HDAC8: variants seen among roughly 807,000 people sequenced by gnomAD.
HDAC8 encodes the protein histone deacetylase 8, also known as histone deacetylase-like 1.
In HDAC8, 1 loss-of-function variant was observed where a neutral mutation model predicts 32.2. That is an observed-to-expected ratio of 0.03 (90% CI 0.01 to 0.15). The LOEUF (loss-of-function observed/expected upper bound fraction) is 0.15. HDAC8 is among the 10% of genes least tolerant of loss of function. The pLI is 1.00. For synonymous variants in HDAC8, 108 were observed against 113.9 expected (o/e 0.95, Z 0.33); for missense variants, 117 against 300.0 (o/e 0.39, Z 4.51).
chrX:72,472,363 G>A (rs192124219), intron 7 of HDAC8, among the ~76,000 whole-genome samples: 1 of 111,981 alleles, frequency 8.9e-6, no homozygotes, highest in East Asian at 2.8e-4. Context: ...CACCGCGCCC[G>A]GCCCAACTTT....
At chrX:72,564,900 A>AT (rs1376179368) in intron 4 of HDAC8, among the ~76,000 whole-genome samples, 2 of 112,009 alleles carry the variant, frequency 1.8e-5, no homozygotes, top group Admixed American at 1.9e-4. Flanking sequence ...TTCAAATGCA[A>AT]TTATTTGCTG....
At chrX:72,518,727 A>G (rs1416956224) in intron 4 of HDAC8, among the ~76,000 whole-genome samples, 12 of 111,600 alleles carry the variant, frequency 1.1e-4, no homozygotes, top group African/African-American at 3.9e-4. Flanking sequence ...TGCTTTAGCT[A>G]TTCATCCCTC....
intron 9 of HDAC8, among the ~76,000 whole-genome samples, chrX:72,386,826 A>T (rs782592146): frequency 8.9e-6 from 1 of 111,916 alleles, no homozygotes; most frequent in South Asian, 3.8e-4. Flanking sequence ...TCTTCAGAAC[A>T]TTCTCAAAAT....
chrX:72,568,703 T>TA (rs782239840), intron 3 of HDAC8, 51 bp downstream of exon 3: 14 of 1,165,650 alleles, frequency 1.2e-5, no homozygotes, highest in South Asian at 7.4e-5. Context: ...ATACAAGTTA[T>TA]AAAAAAAATT....
intron 9 of HDAC8, among the ~76,000 whole-genome samples, chrX:72,353,894 C>T (rs955863927): frequency 2.3e-4 from 26 of 112,034 alleles, no homozygotes; most frequent in African/African-American, 7.5e-4. Context: ...CCTCCAGGTG[C>T]GAAGATGACA....
intron 10 of HDAC8, among the ~76,000 whole-genome samples, chrX:72,337,952 C>G (rs1183648831): frequency 9.0e-6 from 1 of 111,714 alleles, no homozygotes; most frequent in Admixed American, 9.5e-5. Flanking sequence ...TGGCTATCCC[C>G]ATTTCCAACT....
chrX:72,499,257 A>G (rs2049130827), intron 4 of HDAC8, among the ~76,000 whole-genome samples: 1 of 111,904 alleles, frequency 8.9e-6, no homozygotes, highest in African/African-American at 3.3e-5. Context: ...GCTAATCATT[A>G]TGTATATAGA....
chrX:72,517,218 TA>T (rs1219764469), intron 4 of HDAC8, among the ~76,000 whole-genome samples: 1 of 112,355 alleles, frequency 8.9e-6, no homozygotes, highest in African/African-American at 3.2e-5. Flanking sequence ...TGGCCATTTA[TA>T]TTTTTTTTTG....
intron 9 of HDAC8, among the ~76,000 whole-genome samples, chrX:72,387,790 G>C (rs1487142481): frequency 8.9e-6 from 1 of 111,803 alleles, no homozygotes; most frequent in Non-Finnish European, 1.9e-5. Context: ...GTAGGAATTA[G>C]GGATGCAGGG....
intron 7 of HDAC8, among the ~76,000 whole-genome samples, chrX:72,480,828 T>C (rs2048472964): frequency 9.0e-6 from 1 of 110,787 alleles, no homozygotes; most frequent in South Asian, 3.9e-4. Context: ...CTGCATGTTC[T>C]TCCTCATAAG....
chrX:72,377,244 T>G (rs2045109402), intron 9 of HDAC8: 1 of 112,426 alleles, frequency 8.9e-6, no homozygotes, highest in African/African-American at 3.2e-5. Context: ...TACCCAAATC[T>G]CCTTCTTTTA....
intron 9 of HDAC8, among the ~76,000 whole-genome samples, chrX:72,373,925 A>G (rs1200699098): frequency 1.8e-5 from 2 of 111,853 alleles, no homozygotes; most frequent in Non-Finnish European, 3.8e-5. Context: ...GTGGTTTGGG[A>G]TTTGCATTTC....
chrX:72,413,923 A>G (rs1254558476), intron 9 of HDAC8, among the ~76,000 whole-genome samples: 1 of 112,003 alleles, frequency 8.9e-6, no homozygotes, highest in Non-Finnish European at 1.9e-5. Flanking sequence ...ACGATAAATC[A>G]CCTTCTTGAG....
intron 7 of HDAC8, among the ~76,000 whole-genome samples, chrX:72,482,608 G>A (rs1342415467): frequency 1.8e-5 from 2 of 110,883 alleles, no homozygotes; most frequent in African/African-American, 6.6e-5. Context: ...ATTTTGGGGG[G>A]GGGGATTTTC....
chrX:72,440,915 C>G (rs782346532), intron 9 of HDAC8, among the ~76,000 whole-genome samples: 1 of 112,613 alleles, frequency 8.9e-6, no homozygotes, highest in Admixed American at 9.3e-5. Flanking sequence ...CCTACGCCCA[C>G]GGAGTCTTGC....
intron 7 of HDAC8, among the ~76,000 whole-genome samples, chrX:72,465,615 C>T (rs1278447089): frequency 9.0e-6 from 1 of 111,534 alleles, no homozygotes; most frequent in Non-Finnish European, 1.9e-5. Context: ...TACCAGCCCT[C>T]AAGGGCCTGA....
chrX:72,352,909 G>A (rs2044223571), intron 9 of HDAC8, among the ~76,000 whole-genome samples: 1 of 111,619 alleles, frequency 9.0e-6, no homozygotes, highest in African/African-American at 3.3e-5. Context: ...TTTCTGTTTA[G>A]TTTTTAACAG....
chrX:72,554,499 A>AGG (rs2051203012), intron 4 of HDAC8, among the ~76,000 whole-genome samples: 2 of 14,942 alleles, frequency 1.3e-4, no homozygotes, highest in Non-Finnish European at 1.7e-3. Flanking sequence ...GGGCGGGGGG[A>AGG]GCGGGGAGGG....
chrX:72,566,626 C>T (rs782572164), intron 4 of HDAC8, among the ~76,000 whole-genome samples: 50 of 112,187 alleles, frequency 4.5e-4, no homozygotes, highest in Admixed American at 6.6e-4. Flanking sequence ...CCTAAGGTCA[C>T]GGTTGATTGC....
Sources: allele counts gnomAD v4.1 joint callset (sites outside exome capture counted in the v4.1 genomes callset), GRCh38; gene constraint gnomAD v4.1.1; transcripts MANE v1.5; gene names NCBI Gene and HGNC (gene_info 2026-07-23, HGNC 2026-07-21).